Variants in APAF1 observed in about 807,000 individuals in gnomAD.
The protein encoded by APAF1 is apoptotic peptidase activating factor 1, also known as apoptotic protease-activating factor 1.
A neutral mutation model predicts 152.4 loss-of-function variants in APAF1; 91 were observed. The observed-to-expected ratio is 0.60, with a 90% confidence interval of 0.50 to 0.71. APAF1 has a LOEUF of 0.71. APAF1 is among the 30% of genes least tolerant of loss of function. APAF1 has a pLI of 0.00. For missense variants in APAF1, 1,283 were observed against 1,472.0 expected (o/e 0.87, Z 2.10); for synonymous variants, 484 against 494.1 (o/e 0.98, Z 0.27).
chr12:98,675,480 A>G (rs1355092962), intron 12 of APAF1, among the ~76,000 whole-genome samples: 2 of 152,204 alleles, frequency 1.3e-5, no homozygotes, highest in Admixed American at 6.5e-5. Context: ...TTCTATATCC[A>G]TAGATTCAAC....
rs190177024 is a variant in APAF1 at position 98,676,071 on chromosome 12, C to T, written c.1794-1354C>T. 1.8e-3 allele frequency among the ~76,000 whole-genome samples: 276 copies of T among 152,216 alleles called. 1 individual carries two copies. Among genetic ancestry groups the T allele is most frequent in the African/African-American group, 6.4e-3 (265 of 41,514 alleles). ...AGGTTAGGTTTGTCTGACTGCCAAC[C>T]CTTGATTTCTAAAATAAGCACAATA... On this transcript the variant is annotated intron_variant, in intron 12 of 26. Coordinates refer to ENST00000551964, the MANE Select transcript of APAF1 (RefSeq NM_181861.2).
chr12:98,660,010 G>C (rs1322468826), intron 5 of APAF1, among the ~76,000 whole-genome samples: 1 of 151,986 alleles, frequency 6.6e-6, no homozygotes, highest in Non-Finnish European at 1.5e-5. Flanking sequence ...TTTCTAATGG[G>C]TTAACATAGA....
At chr12:98,731,747 A>G (rs1423579814) in intron 26 of APAF1, among the ~76,000 whole-genome samples, 1 of 152,198 alleles carries the variant, frequency 6.6e-6, no homozygotes, top group Non-Finnish European at 1.5e-5. Flanking sequence ...TTTAGCTGTG[A>G]GATTCATGGG....
chr12:98,687,486 A>C lies in APAF1; in HGVS notation c.2304+613A>C, dbSNP rs868484220. ...AATATTTTGAGATCTGTTTTAGTTT[A>C]TTTTGTGCTTCTATAATTTATGTTG... is the stretch of plus-strand genomic sequence containing the variant. On this transcript the variant is annotated intron_variant, in intron 16 of 26. Coordinates refer to ENST00000551964, the MANE Select transcript of APAF1 (RefSeq NM_181861.2). 5.3e-5 allele frequency among the ~76,000 whole-genome samples: 8 copies of C among 151,726 alleles called. 1 individual carries two copies. In the Middle Eastern group the frequency reaches 0.017, roughly 325 times the overall value.
At chr12:98,704,013 A>G (rs2097718621) in intron 18 of APAF1, among the ~76,000 whole-genome samples, 1 of 152,182 alleles carries the variant, frequency 6.6e-6, no homozygotes, top group African/African-American at 2.4e-5. Context: ...GTTAAATTTT[A>G]TGTTCAGAAT....
At chr12:98,686,609 A>G in intron 15 of APAF1, 139 bp from the exon 16 acceptor site, 1 of 802,718 alleles carries the variant, frequency 1.2e-6, no homozygotes, top group South Asian at 1.8e-5. Context: ...TGTGTTTGAT[A>G]CGTTTGTGTT....
rs1309940307 is a variant in APAF1 at position 98,659,247 on chromosome 12, G to A, written c.614G>A (p.Arg205Gln). 6.8e-6 allele frequency: 11 copies of A among 1,614,062 alleles called. No individual in the cohort carries two copies. The highest frequency in any genetic ancestry group is 1.6e-4 in the Middle Eastern group (1 of 6,084). Residue 205 changes from arginine (R) to glutamine (Q), a missense_variant, in exon 5 of 27, where the codon CGG (arginine) becomes CAG (glutamine). Physicochemically the swap from Arg to Gln is conservative, Grantham distance 43. Coordinates refer to ENST00000551964, the MANE Select transcript of APAF1 (RefSeq NM_181861.2). Reference sequence around the variant, plus strand: ...ATGAAACTGCAGAATCTTTGCACACGGTTGGATCAGGATGAGAGTTTTTCC... The same window carrying A: ...ATGAAACTGCAGAATCTTTGCACACAGTTGGATCAGGATGAGAGTTTTTCC... ...LLMKLQNLCT[R>Q]LDQDESFSQR...
chr12:98,723,312 G>C lies in APAF1; in HGVS notation c.3204G>C (p.Lys1068Asn). The change falls in exon 23 of 27, where the codon AAG becomes AAC. Residue 1068 changes from lysine to asparagine, a missense_variant and splice_region_variant. Lys to Asn is a moderately conservative substitution (Grantham distance 94). Transcript: ENST00000551964. ...CTTGGTCATTTGATGGAACAGTGAA[G>C]GTAATTTAAAGTATAAATTTGTTTT... The part of the protein sequence containing the change: ...LLSWSFDGTV[K>N]VWNIITGNKE... The C allele has an allele frequency of 6.2e-7, 1 of 1,613,114 alleles. No individual in the cohort carries two copies. Among genetic ancestry groups the C allele is most frequent in the South Asian group, 1.1e-5 (1 of 90,976 alleles).
chr12:98,665,296 A>G (rs1240688254), intron 7 of APAF1, among the ~76,000 whole-genome samples: 1 of 101,538 alleles, frequency 9.8e-6, no homozygotes, highest in African/African-American at 4.9e-5. Context: ...TTTTTTTTGT[A>G]ATGACATCTT....
chr12:98,706,334 C>T, intron 18 of APAF1, 151 bp from the exon 19 acceptor site: 1 of 790,540 alleles, frequency 1.3e-6, no homozygotes, highest in Non-Finnish European at 2.2e-6. Context: ...AAATAATCTT[C>T]TGCATAAGAC....
chr12:98,653,694 AT>A (rs2097652476), intron 4 of APAF1, among the ~76,000 whole-genome samples: 1 of 71,246 alleles, frequency 1.4e-5, no homozygotes, highest in African/African-American at 6.6e-5. Context: ...AAAAAAAAAT[AT>A]ATATATATAT....
At chr12:98,693,474 C>T (rs972235020) in intron 16 of APAF1, among the ~76,000 whole-genome samples, 9 of 152,098 alleles carry the variant, frequency 5.9e-5, no homozygotes, top group East Asian at 3.9e-4. Context: ...TGAGCCGTAT[C>T]GTGTGAATTT....
At chr12:98,658,093 T>G (rs1426635784) in intron 4 of APAF1, among the ~76,000 whole-genome samples, 1 of 152,194 alleles carries the variant, frequency 6.6e-6, no homozygotes. Flanking sequence ...TTTGGTATGT[T>G]TAAGATCACA....
At chr12:98,654,361 T>G (rs889579972) in intron 4 of APAF1, among the ~76,000 whole-genome samples, 5 of 152,210 alleles carry the variant, frequency 3.3e-5, no homozygotes, top group Non-Finnish European at 5.9e-5. Flanking sequence ...ATTTACTAGG[T>G]AGCCATATCA....
chr12:98,658,464 C>T (rs773902530), intron 4 of APAF1, among the ~76,000 whole-genome samples: 1 of 152,196 alleles, frequency 6.6e-6, no homozygotes, highest in Non-Finnish European at 1.5e-5. Flanking sequence ...TAATTTTTCA[C>T]AGCAACTCTG....
At chr12:98,685,743 C>A (rs1328197431) in intron 15 of APAF1, among the ~76,000 whole-genome samples, 2 of 152,140 alleles carry the variant, frequency 1.3e-5, no homozygotes, top group African/African-American at 4.8e-5. Flanking sequence ...TCAAGCAATT[C>A]TTATGCCTCA....
chr12:98,678,166 A>G (rs1434864448), intron 13 of APAF1, among the ~76,000 whole-genome samples: 2 of 152,240 alleles, frequency 1.3e-5, no homozygotes, highest in African/African-American at 4.8e-5. Context: ...CTTTATTACT[A>G]ATTTTATTAA....
At chr12:98,685,645 C>T (rs1232497372) in intron 15 of APAF1, among the ~76,000 whole-genome samples, 1 of 148,682 alleles carries the variant, frequency 6.7e-6, no homozygotes, top group Non-Finnish European at 1.5e-5. Flanking sequence ...ATAAACTCCT[C>T]CACTTTTTTG....
chr12:98,681,172 A>T (rs2097691862), intron 14 of APAF1, among the ~76,000 whole-genome samples: 1 of 152,106 alleles, frequency 6.6e-6, no homozygotes, highest in Non-Finnish European at 1.5e-5. Flanking sequence ...ATTGATTCTT[A>T]TGCCTCAGCC....
Sources: allele counts gnomAD v4.1 joint callset (sites outside exome capture counted in the v4.1 genomes callset), GRCh38; gene constraint gnomAD v4.1.1; transcripts MANE v1.5; gene names NCBI Gene and HGNC (gene_info 2026-07-23, HGNC 2026-07-21).